The following LARGE1 variants were observed in gnomAD, a reference collection of about 807,000 sequenced individuals.
LARGE1 encodes xylosyl- and glucuronyltransferase LARGE1.
Under a neutral mutation model 87.6 loss-of-function variants are expected in LARGE1, and 43 were observed. The observed-to-expected ratio is 0.49, with a 90% CI of 0.38 to 0.63. The LOEUF (loss-of-function observed/expected upper bound fraction) is 0.63, where lower values mean the gene tolerates loss of function less well. Ranked by LOEUF, LARGE1 falls within the 30% of genes least tolerant of loss-of-function variation. LARGE1 has a pLI of 0.00. For synonymous variants in LARGE1, 434 were observed against 394.6 expected, an observed-to-expected ratio of 1.10 and a Z score of -1.18; for missense variants, 802 against 1,000.2, an observed-to-expected ratio of 0.80 and a Z score of 2.67.
At chr22:33,861,445 C>T (rs2063916991) in intron 1 of LARGE1, 1 of 152,216 alleles carries the variant, frequency 6.6e-6, no homozygotes, top group Non-Finnish European at 1.5e-5. Flanking sequence ...TTTACAGCAA[C>T]AACAAGAAAT....
chr22:33,907,173 T>G (rs907399323), intron 1 of LARGE1, among the ~76,000 whole-genome samples: 11 of 152,186 alleles, frequency 7.2e-5, no homozygotes, highest in Non-Finnish European at 1.5e-4. Context: ...AACCTTCTGA[T>G]AAGCCCAGGG....
intron 11 of LARGE1, among the ~76,000 whole-genome samples, chr22:33,263,077 C>T (rs58394157): frequency 2.0e-5 from 3 of 151,938 alleles, no homozygotes; most frequent in East Asian, 3.9e-4. Flanking sequence ...TATTTTTAGT[C>T]GAGACGAGGT....
intron 2 of LARGE1, chr22:33,750,544 T>C (rs1237625390): frequency 1.3e-5 from 2 of 152,142 alleles, no homozygotes; most frequent in Non-Finnish European, 2.9e-5. Context: ...CATTTCCTTC[T>C]TGTGTTTCTA....
chr22:33,868,976 C>T (rs1033905811), intron 1 of LARGE1, among the ~76,000 whole-genome samples: 10 of 152,052 alleles, frequency 6.6e-5, no homozygotes, highest in Middle Eastern at 3.2e-3. Flanking sequence ...TGATTCCAAA[C>T]GTGGGGTTGT....
chr22:33,188,711 G>A (rs112999873), intron 11 of LARGE1, among the ~76,000 whole-genome samples: 3 of 152,270 alleles, frequency 2.0e-5, no homozygotes, highest in African/African-American at 7.2e-5. Flanking sequence ...GGAGCTGGAG[G>A]AGTTGCCAGT....
intron 6 of LARGE1, among the ~76,000 whole-genome samples, chr22:33,550,478 C>G (rs988170833): frequency 6.6e-6 from 1 of 152,140 alleles, no homozygotes; most frequent in Non-Finnish European, 1.5e-5. Context: ...GTGTGAAAGA[C>G]AGCCCTTCCA....
intron 6 of LARGE1, among the ~76,000 whole-genome samples, chr22:33,544,693 C>CAA (rs78818200): frequency 0.6 from 82,468 of 136,380 alleles, 23,190 homozygotes; most frequent in Admixed American, 0.66. Flanking sequence ...AAAACAACAA[C>CAA]CACAACAACA....
In LARGE1 at chr22:33,788,273, C is replaced by T. The variant is rs540317761; in HGVS notation, c.-82-26715G>A. 3.9e-5 allele frequency among the ~76,000 whole-genome samples: 6 copies of T among 152,316 alleles called. No homozygotes were observed. In the South Asian group the frequency reaches 1.2e-3, roughly 32 times the overall value. On this transcript the variant is annotated intron_variant, in intron 1 of 14. Transcript: ENST00000397394. ...CCTGCACAAGCTTTCTTGCCTGCTG[C>T]CATGTAAGACGTGCCTTTGCTTCTC...
intron 9 of LARGE1, among the ~76,000 whole-genome samples, chr22:33,369,077 G>T (rs1231932236): frequency 6.6e-6 from 1 of 152,146 alleles, no homozygotes; most frequent in Non-Finnish European, 1.5e-5. Context: ...AAGTTTCTCT[G>T]TAGCAATTGA....
At chr22:33,533,174 C>A (rs986091312) in intron 6 of LARGE1, among the ~76,000 whole-genome samples, 1 of 152,162 alleles carries the variant, frequency 6.6e-6, no homozygotes, top group African/African-American at 2.4e-5. Context: ...ACCAGTCTTC[C>A]GGGAGCTAAC....
At chr22:33,220,523 C>A (rs1427798590) in intron 11 of LARGE1, among the ~76,000 whole-genome samples, 1 of 152,122 alleles carries the variant, frequency 6.6e-6, no homozygotes, top group East Asian at 1.9e-4. Flanking sequence ...AAAATAGATT[C>A]TACCTCCCTC....
chr22:33,181,631 C>T (rs1923167677), intron 11 of LARGE1, among the ~76,000 whole-genome samples: 2 of 151,664 alleles, frequency 1.3e-5, no homozygotes, highest in Non-Finnish European at 2.9e-5. Flanking sequence ...TGGGTTCATG[C>T]CATTCTCCTG....
intron 2 of LARGE1, among the ~76,000 whole-genome samples, chr22:33,657,836 C>T (rs1023646240): frequency 7.9e-5 from 12 of 152,142 alleles, no homozygotes; most frequent in African/African-American, 2.7e-4. Context: ...GGTCAGTTCC[C>T]CCTGAGTACA....
chr22:33,577,013 C>T (rs879870654), intron 5 of LARGE1, among the ~76,000 whole-genome samples: 1 of 151,886 alleles, frequency 6.6e-6, no homozygotes, highest in Non-Finnish European at 1.5e-5. Flanking sequence ...ACTATGTATG[C>T]GTGGTGTATT....
the LARGE1 span, among the ~76,000 whole-genome samples, chr22:33,127,195 T>G: frequency 1.3e-5 from 2 of 152,178 alleles, no homozygotes; most frequent in Non-Finnish European, 2.9e-5. Flanking sequence ...CCCAGCTTTC[T>G]TCAGCCCAGC....
chr22:33,607,688 A>G (rs992232330), intron 4 of LARGE1, among the ~76,000 whole-genome samples: 1 of 152,106 alleles, frequency 6.6e-6, no homozygotes, highest in Non-Finnish European at 1.5e-5. Context: ...AACCAAGCTG[A>G]AGTCAGGGGT....
intron 11 of LARGE1, among the ~76,000 whole-genome samples, chr22:33,204,128 CT>C (rs1405729956): frequency 2.0e-5 from 3 of 151,832 alleles, no homozygotes; most frequent in African/African-American, 4.8e-5. Context: ...AGATTAAAGC[CT>C]TTAAGGAAGA....
At chr22:33,295,547 C>T (rs778613025) in intron 12 of LARGE1, among the ~76,000 whole-genome samples, 17 of 152,216 alleles carry the variant, frequency 1.1e-4, no homozygotes, top group Admixed American at 7.9e-4. Context: ...GGTGACAATA[C>T]GTGGGCAGAG....
rs964295317 is a variant in LARGE1 at position 33,197,413 on chromosome 22, T to G, written c.1731-30581A>C. Among the ~76,000 whole-genome samples the G allele has an allele frequency of 3.3e-5, 5 of 151,664 alleles. No homozygotes were observed. In the South Asian group the frequency reaches 1.0e-3, roughly 31 times the overall value. ...AAATTCAAATAAATTATAAAAATAA[T>G]TACTAGAGTTAAAAAGTGAATTTAT... On this transcript the variant is annotated intron_variant, in intron 11 of 11. Coordinates refer to the LARGE1 transcript ENST00000608642.
Sources: allele counts gnomAD v4.1 joint callset (sites outside exome capture counted in the v4.1 genomes callset), GRCh38; gene constraint gnomAD v4.1.1; transcripts MANE v1.5; gene names NCBI Gene and HGNC (gene_info 2026-07-23, HGNC 2026-07-21).